The following BCAS3 variants were observed in gnomAD, a reference collection of about 807,000 sequenced individuals.
BCAS3 encodes BCAS4/BCAS3 fusion.
BCAS3 carries 53 observed loss-of-function variants against 116.1 expected under a neutral mutation model. The ratio of observed to expected loss-of-function variants is 0.46; its 90% CI spans 0.37 to 0.57. BCAS3 has a LOEUF of 0.57. Ranked by LOEUF, BCAS3 falls within the 20% of genes least tolerant of loss-of-function variation. The pLI is 0.00. For synonymous variants in BCAS3, 391 were observed against 408.2 expected (o/e 0.96, Z 0.51); for missense variants, 917 against 1,165.4 (o/e 0.79, Z 3.10).
intron 7 of BCAS3, among the ~76,000 whole-genome samples, chr17:60,854,104 A>G (rs993699608): frequency 4.0e-5 from 6 of 151,824 alleles, no homozygotes; most frequent in African/African-American, 9.7e-5. Flanking sequence ...CCTGTGTCCA[A>G]GTGTTCTCAT....
rs1283861609 is a variant in BCAS3, at chr17:60,995,767, G to A, written c.1486+5532G>A. ...CATTTGATCAACAACATTAATTAGT[G>A]TTTATTGTGTCCAGGCACTGTTCTG... On this transcript the variant is annotated intron_variant, in intron 15 of 23. Coordinates refer to ENST00000407086, the MANE Select transcript of BCAS3 (RefSeq NM_017679.5). This position sits in a 1 kb window ranked among gnomAD's most constrained non-coding sequence, Gnocchi z 4.7. Among the ~76,000 whole-genome samples the A allele has an allele frequency of 6.6e-6, 1 of 151,978 alleles. No individual in the cohort carries two copies. The highest frequency in any genetic ancestry group is 1.9e-4 in the East Asian group (1 of 5,196).
At chr17:60,968,759 A>G (rs1368659748) in intron 14 of BCAS3, among the ~76,000 whole-genome samples, 1 of 151,734 alleles carries the variant, frequency 6.6e-6, no homozygotes, top group Non-Finnish European at 1.5e-5. Flanking sequence ...CTGAACAGCC[A>G]CTCTAATTTG....
rs939719324 is a variant in BCAS3 at position 61,021,592 on chromosome 17, T to C, written c.1637+5691T>C. ...TTATAATCTTTTAATCCTTATCATG[T>C]ATGAGTTTCTACCAGTTCTTTGGTC... is the stretch of plus-strand genomic sequence containing the variant. On this transcript the variant is annotated intron_variant, in intron 16 of 23. Transcript: ENST00000407086. This position sits in a 1 kb window ranked among gnomAD's most constrained non-coding sequence, Gnocchi z 4.6. Among the ~76,000 whole-genome samples the C allele has an allele frequency of 2.0e-5, 3 of 152,230 alleles. No homozygotes were observed. The highest frequency in any genetic ancestry group is 7.2e-5 in the African/African-American group (3 of 41,452).
Position 61,356,240 on chromosome 17 carries a change from C to T in BCAS3, c.2426-12087C>T, listed in dbSNP as rs1445452355. Among the ~76,000 whole-genome samples the T allele has an allele frequency of 1.3e-5, 2 of 152,162 alleles. No individual in the cohort carries two copies. The highest frequency in any genetic ancestry group is 6.5e-5 in the Admixed American group (1 of 15,280). ...AACTCCTGACCTCAGGTGATCCACACGCCTCGGCCTCCCAAAGTGCTGGGA... is the reference window on the plus strand; with the variant it reads ...AACTCCTGACCTCAGGTGATCCACATGCCTCGGCCTCCCAAAGTGCTGGGA... On this transcript the variant is annotated intron_variant, in intron 22 of 23. Coordinates refer to ENST00000407086, the MANE Select transcript of BCAS3 (RefSeq NM_017679.5). This position sits in a 1 kb window ranked among gnomAD's most constrained non-coding sequence, Gnocchi z 5.4.
rs2083012005 is a variant in BCAS3, at chr17:61,235,826, A to G, written c.2426-132501A>G. On this transcript the variant is annotated intron_variant, in intron 22 of 23. Coordinates refer to ENST00000407086, the MANE Select transcript of BCAS3 (RefSeq NM_017679.5). The surrounding 1 kb of genome is among the most constrained non-coding windows in gnomAD (Gnocchi z 5.0). Reference sequence around the variant, plus strand: ...TATATGTTAGCTTAACAGTAATACTAGGAAAATAATCCTCCTCTTGTCTAG... The same window carrying G: ...TATATGTTAGCTTAACAGTAATACTGGGAAAATAATCCTCCTCTTGTCTAG... Among the ~76,000 whole-genome samples, 1 of 152,160 alleles carries G rather than the reference A, an allele frequency of 6.6e-6. No individual in the cohort carries two copies. Among genetic ancestry groups the G allele is most frequent in the Non-Finnish European group, 1.5e-5 (1 of 68,028 alleles).
Position 61,106,127 on chromosome 17 carries a change from G to T in BCAS3, c.2425+21563G>T, listed in dbSNP as rs536735244. 1.4e-4 allele frequency among the ~76,000 whole-genome samples: 22 copies of T among 152,094 alleles called. No individual in the cohort carries two copies. Among genetic ancestry groups the T allele is most frequent in the Non-Finnish European group, 2.6e-4 (18 of 68,020 alleles). ...GCACAAGGGTTGATGCTGGCATATT[G>T]TTATAATTGTTCTATTTTATTACCA... On this transcript the variant is annotated intron_variant, in intron 22 of 23. Transcript: ENST00000407086. The surrounding 1 kb of genome is among the most constrained non-coding windows in gnomAD (Gnocchi z 4.2).
intron 7 of BCAS3, among the ~76,000 whole-genome samples, chr17:60,856,949 G>C (rs1355275297): frequency 6.6e-6 from 1 of 152,068 alleles, no homozygotes; most frequent in Non-Finnish European, 1.5e-5. Context: ...ACCTTTGGCT[G>C]TTGTAATATA....
intron 5 of BCAS3, among the ~76,000 whole-genome samples, chr17:60,740,455 T>C (rs1301422876): frequency 7.1e-6 from 1 of 140,590 alleles, no homozygotes; most frequent in Non-Finnish European, 1.5e-5. Context: ...GCCGAGATCA[T>C]GGTACTACAC....
In BCAS3 at chr17:61,344,884, G is replaced by A. The variant is rs2057404370; in HGVS notation, c.2426-23443G>A. ...ACTCCAGCCCCTTGTTTGCCACCAT[G>A]GACAGGTATTTTATGATTCCTGGAT... On this transcript the variant is annotated intron_variant, in intron 22 of 23. Coordinates refer to ENST00000407086, the MANE Select transcript of BCAS3 (RefSeq NM_017679.5). This position sits in a 1 kb window ranked among gnomAD's most constrained non-coding sequence, Gnocchi z 4.1. 6.6e-6 allele frequency among the ~76,000 whole-genome samples: 1 copy of A among 151,740 alleles called. No homozygotes were observed. Among genetic ancestry groups the A allele is most frequent in the South Asian group, 2.1e-4 (1 of 4,814 alleles).
intron 22 of BCAS3, among the ~76,000 whole-genome samples, chr17:61,209,461 A>G (rs2081331512): frequency 6.6e-6 from 1 of 152,216 alleles, no homozygotes; most frequent in Non-Finnish European, 1.5e-5. Context: ...AGAATAGGAA[A>G]ATTCTCATTA....
rs1463897980 is a variant in BCAS3 at position 61,029,988 on chromosome 17, A to G, written c.1638-4678A>G. Among the ~76,000 whole-genome samples the G allele has an allele frequency of 6.6e-6, 1 of 152,112 alleles. No homozygotes were observed. The highest frequency in any genetic ancestry group is 2.4e-5 in the African/African-American group (1 of 41,450). On this transcript the variant is annotated intron_variant, in intron 16 of 23. Transcript: ENST00000407086. This position sits in a 1 kb window ranked among gnomAD's most constrained non-coding sequence, Gnocchi z 5.2. ...AGAATAGAATAATTTCAGACAGATT[A>G]TTAATATCTTTAGTTATTTGAAATA...
chr17:60,927,359 G>A (rs551218878), intron 13 of BCAS3, among the ~76,000 whole-genome samples: 2 of 151,850 alleles, frequency 1.3e-5, no homozygotes, highest in African/African-American at 4.8e-5. Context: ...AGGTTCAAGC[G>A]ATCCTTGTGC....
intron 7 of BCAS3, among the ~76,000 whole-genome samples, chr17:60,816,125 C>T (rs2049364908): frequency 6.6e-6 from 1 of 152,162 alleles, no homozygotes; most frequent in East Asian, 1.9e-4. Flanking sequence ...CCAGGTTGCT[C>T]TCCAGCTCCC....
chr17:60,683,220 A>C (rs1455645288), intron 2 of BCAS3, among the ~76,000 whole-genome samples: 1 of 152,202 alleles, frequency 6.6e-6, no homozygotes, highest in Non-Finnish European at 1.5e-5. Context: ...TTCATAACCA[A>C]TTTAAGGAGA....
At chr17:60,700,984 C>A (rs1196545960) in intron 4 of BCAS3, among the ~76,000 whole-genome samples, 1 of 152,088 alleles carries the variant, frequency 6.6e-6, no homozygotes, top group African/African-American at 2.4e-5. Flanking sequence ...TGGCTGACAT[C>A]TGTAATCCCA....
intron 12 of BCAS3, among the ~76,000 whole-genome samples, chr17:60,917,526 T>C (rs2058834423): frequency 6.6e-6 from 1 of 152,230 alleles, no homozygotes; most frequent in Non-Finnish European, 1.5e-5. Context: ...TTCCACTGAA[T>C]GTGTATACTA....
At chr17:61,373,804 CTTTGTTTTTTTTTT>C (rs1338325332) in intron 23 of BCAS3, among the ~76,000 whole-genome samples, 5 of 76,132 alleles carry the variant, frequency 6.6e-5, no homozygotes, top group East Asian at 5.1e-4. Context: ...TCTTCTTCTT[CTTTGTTTTTTTTTT>C]TTTTTTTTTT....
rs1339767183 is a variant in BCAS3, at chr17:61,130,936, A to G, written c.2425+46372A>G. The G allele has an allele frequency of 6.6e-6, 1 of 152,312 alleles. No individual in the cohort carries two copies. The highest frequency in any genetic ancestry group is 1.5e-5 in the Non-Finnish European group (1 of 68,150). 9.4% of individuals were successfully genotyped at this position (152,312 alleles called of 1,614,324 possible). A position where few individuals can be genotyped will look rare whatever the true frequency, so the allele number is the denominator to read the frequency against. On this transcript the variant is annotated intron_variant, in intron 22 of 23. Transcript: ENST00000407086. The surrounding 1 kb of genome is among the most constrained non-coding windows in gnomAD (Gnocchi z 5.0). ...CCTGGCCTGGTGGCGGGCACCCGTAATTCCAGCTACTTGGGAGGCTGAGGT... is the reference window on the plus strand; with the variant it reads ...CCTGGCCTGGTGGCGGGCACCCGTAGTTCCAGCTACTTGGGAGGCTGAGGT...
At chr17:60,782,407 C>T (rs931102065) in intron 6 of BCAS3, among the ~76,000 whole-genome samples, 10 of 151,974 alleles carry the variant, frequency 6.6e-5, no homozygotes, top group East Asian at 1.9e-4. Context: ...GGCAGTTGAC[C>T]TTCAGAATGT....
Sources: allele counts gnomAD v4.1 joint callset (sites outside exome capture counted in the v4.1 genomes callset), GRCh38; gene constraint gnomAD v4.1.1; non-coding constraint Gnocchi (gnomAD v3.1); transcripts MANE v1.5; gene names NCBI Gene and HGNC (gene_info 2026-07-23, HGNC 2026-07-21).